Variants in CHEK2 observed in about 807,000 individuals in gnomAD.
CHEK2 encodes the protein serine/threonine-protein kinase Chk2.
Under a neutral mutation model 69.1 loss-of-function variants are expected in CHEK2, and 71 were observed. That is an observed-to-expected ratio of 1.03 (90% confidence interval 0.85 to 1.25). The LOEUF (loss-of-function observed/expected upper bound fraction) is 1.25, where lower values mean the gene tolerates loss of function less well. Among genes scored for constraint, CHEK2 ranks in the 50% most tolerant of loss-of-function variants. CHEK2 has a pLI of 0.00. For synonymous variants in CHEK2, 189 were observed against 226.9 expected, an observed-to-expected ratio of 0.83 and a Z score of 1.50; for missense variants, 664 against 649.6, an observed-to-expected ratio of 1.02 and a Z score of -0.24.
At chr22:28,715,397 T>TTTTATTTATTTATTTA (rs3029446) in intron 5 of CHEK2, among the ~76,000 whole-genome samples, 1 of 148,956 alleles carries the variant, frequency 6.7e-6, no homozygotes, top group Non-Finnish European at 1.5e-5. Context: ...TTATTTTTAT[T>TTTTATTTATTTATTTA]TTTATTTATT....
intron 13 of CHEK2, among the ~76,000 whole-genome samples, chr22:28,693,324 A>G (rs1394814729): frequency 1.3e-5 from 2 of 152,182 alleles, no homozygotes; most frequent in African/African-American, 2.4e-5. Context: ...ATACAGATGA[A>G]AAGTGCAGGT....
intron 7 of CHEK2, among the ~76,000 whole-genome samples, chr22:28,704,121 GAC>G (rs10565000): frequency 0.39 from 55,841 of 142,572 alleles, 10,854 homozygotes; most frequent in Admixed American, 0.47. Context: ...GAGACAGACA[GAC>G]ACACACACAC....
At chr22:28,726,861 C>T (rs1165951594) in intron 2 of CHEK2, among the ~76,000 whole-genome samples, 5 of 148,462 alleles carry the variant, frequency 3.4e-5, no homozygotes, top group Non-Finnish European at 7.4e-5. Flanking sequence ...TCTCCCCTTG[C>T]TCATGACACC....
intron 7 of CHEK2, among the ~76,000 whole-genome samples, chr22:28,705,961 T>TAA (rs2053118960): frequency 1.7e-5 from 2 of 118,116 alleles, no homozygotes; most frequent in Non-Finnish European, 3.6e-5. Flanking sequence ...TAAACTAAAC[T>TAA]AAACTAAAAA....
At chr22:28,719,368 G>A (rs1353818122) in intron 5 of CHEK2, 27 bp downstream of exon 5, 2 of 1,290,910 alleles carry the variant, frequency 1.5e-6, no homozygotes, top group Non-Finnish European at 2.2e-6. Context: ...AAAAAATTAA[G>A]TGCATTTATA....
intron 8 of CHEK2, among the ~76,000 whole-genome samples, chr22:28,702,677 G>A (rs549707675): frequency 6.6e-6 from 1 of 151,804 alleles, no homozygotes; most frequent in South Asian, 2.1e-4. Flanking sequence ...CTCCTGAGTA[G>A]CTGAAGTAAC....
chr22:28,692,225 G>A (rs2052393496), intron 13 of CHEK2, among the ~76,000 whole-genome samples: 1 of 152,180 alleles, frequency 6.6e-6, no homozygotes, highest in Non-Finnish European at 1.5e-5. Context: ...CACAGCTCCT[G>A]TACCTCTACA....
rs1248967885 is a variant in CHEK2, at chr22:28,695,731, A to G, written c.1238T>C (p.Leu413Ser). 1 of 1,613,728 alleles carries G rather than the reference A, an allele frequency of 6.2e-7. No homozygotes were observed. The highest frequency in any genetic ancestry group is 1.3e-5 in the African/African-American group (1 of 75,044). The change falls in exon 11 of 15, where the codon TTA (leucine) becomes TCA (serine). Residue 413 changes from leucine (L) to serine (S), a missense_variant. Coordinates refer to ENST00000404276, the MANE Select transcript of CHEK2 (RefSeq NM_007194.4). ...TTACCAGATAAAAAGAATAACTCCTAAACTCCAGCAGTCCACAGCACGGTT... is the reference window on the plus strand; with the variant it reads ...TTACCAGATAAAAAGAATAACTCCTGAACTCCAGCAGTCCACAGCACGGTT... ...GYNRAVDCWS[L>S]GVILFICLSG...
At chr22:28,703,010 C>T (rs571529029) in intron 8 of CHEK2, among the ~76,000 whole-genome samples, 27 of 152,088 alleles carry the variant, frequency 1.8e-4, no homozygotes, top group Non-Finnish European at 3.7e-4. Flanking sequence ...TAAGTATTTT[C>T]GATCTGAGGT....
At chr22:28,733,855 G>C (rs1308583477) in intron 2 of CHEK2, among the ~76,000 whole-genome samples, 4 of 151,186 alleles carry the variant, frequency 2.6e-5, no homozygotes, top group Admixed American at 1.3e-4. Context: ...GGAGTCAGAG[G>C]CTGCAGTGAG....
intron 2 of CHEK2, among the ~76,000 whole-genome samples, chr22:28,730,123 A>G (rs1201788520): frequency 1.3e-5 from 2 of 149,804 alleles, no homozygotes; most frequent in African/African-American, 2.5e-5. Context: ...GATTACAGGC[A>G]TGAGCCACTG....
At chr22:28,692,520 G>T (rs1033463033) in intron 13 of CHEK2, among the ~76,000 whole-genome samples, 11 of 152,170 alleles carry the variant, frequency 7.2e-5, no homozygotes, top group African/African-American at 2.7e-4. Context: ...CTCAACCTGA[G>T]CTGGCCTGAG....
chr22:28,712,535 C>G (rs2053441830), intron 5 of CHEK2, among the ~76,000 whole-genome samples: 1 of 152,086 alleles, frequency 6.6e-6, no homozygotes, highest in Admixed American at 6.5e-5. Context: ...CCTAAGAAAC[C>G]AAACGTATTA....
intron 2 of CHEK2, among the ~76,000 whole-genome samples, chr22:28,731,703 C>G (rs1014965721): frequency 6.6e-6 from 1 of 151,392 alleles, no homozygotes; most frequent in Non-Finnish European, 1.5e-5. Flanking sequence ...TTTGTTTTTC[C>G]TTTTTGTGGA....
chr22:28,697,132 G>A (rs2052621818), intron 9 of CHEK2, 145 bp from the exon 10 acceptor site: 1 of 674,286 alleles, frequency 1.5e-6, no homozygotes, highest in East Asian at 2.7e-5. Flanking sequence ...ATAGAAAACT[G>A]TTGGGGTAAA....
intron 1 of CHEK2, among the ~76,000 whole-genome samples, chr22:28,740,597 T>A (rs889004686): frequency 2.0e-5 from 3 of 152,232 alleles, no homozygotes; most frequent in African/African-American, 7.2e-5. Context: ...CAATACTGAC[T>A]GACTTGTGGA....
intron 5 of CHEK2, among the ~76,000 whole-genome samples, chr22:28,717,105 G>A (rs761428505): frequency 6.8e-4 from 103 of 152,178 alleles, no homozygotes; most frequent in African/African-American, 1.4e-3. Context: ...CAGGCCAGGC[G>A]CGGTGGCTCA....
At position 28,733,919 on chromosome 22, in the gene CHEK2, T is replaced by G. The variant is rs926778127; in HGVS notation, c.319+484A>C. On this transcript the variant is annotated intron_variant, in intron 2 of 14. Transcript: ENST00000404276. ...TCTGTGCGACAGAGCAAGACTCCGT[T>G]GCCAAAAAAAAAAAAAAAAAAATTC... Among the ~76,000 whole-genome samples, 3 of 145,914 alleles carry G rather than the reference T, an allele frequency of 2.1e-5. No homozygotes were observed. In the Admixed American group the frequency reaches 2.1e-4, roughly 10 times the overall value.
At chr22:28,740,657 G>A (rs1376288756) in intron 1 of CHEK2, among the ~76,000 whole-genome samples, 1 of 152,174 alleles carries the variant, frequency 6.6e-6, no homozygotes, top group Non-Finnish European at 1.5e-5. Context: ...TAAACAGGGA[G>A]TACTACGGAA....
Sources: allele counts gnomAD v4.1 joint callset (sites outside exome capture counted in the v4.1 genomes callset), GRCh38; gene constraint gnomAD v4.1.1; transcripts MANE v1.5; gene names NCBI Gene and HGNC (gene_info 2026-07-23, HGNC 2026-07-21).